GGTA1: variants seen among roughly 807,000 people sequenced by gnomAD.
The protein encoded by GGTA1 is inactive N-acetyllactosaminide alpha-1,3-galactosyltransferase.
A neutral mutation model predicts 2.6 loss-of-function variants in GGTA1; 5 were observed. That is an observed-to-expected ratio of 1.92 (90% CI 1.00 to 4.04). The LOEUF (loss-of-function observed/expected upper bound fraction) is 4.04, where lower values mean the gene tolerates loss of function less well. Among genes scored for constraint, GGTA1 ranks in the 30% most tolerant of loss-of-function variants. The pLI, the probability that GGTA1 is intolerant of heterozygous loss-of-function variation, is 0.00. For missense variants in GGTA1, 50 were observed against 16.7 expected (o/e 2.99, Z -3.47); for synonymous variants, 17 against 5.0 (o/e 3.38, Z -3.19).
Position 121,460,794 on chromosome 9 carries a change from G to A in GGTA1, c.182+458C>T, listed in dbSNP as rs564889916. ...AAGGAGGTGGAGGTTGTAGTGAGCC[G>A]AGACCACGCCACTGCACTCCAGCCT... On this transcript the variant is annotated intron_variant, in intron 4 of 5. Coordinates refer to ENST00000481799, the MANE Select transcript of GGTA1 (RefSeq NM_001382585.1). Among the ~76,000 whole-genome samples the A allele has an allele frequency of 3.4e-4, 52 of 152,018 alleles. 1 individual carries two copies. In the South Asian group the frequency reaches 0.01, roughly 30 times the overall value.
intron 1 of GGTA1, among the ~76,000 whole-genome samples, chr9:121,482,459 C>A (rs1828673208): frequency 6.6e-6 from 1 of 151,284 alleles, no homozygotes; most frequent in Non-Finnish European, 1.5e-5. Context: ...AGAATGAGAC[C>A]CTGTCTCAAA....
downstream of GGTA1, among the ~76,000 whole-genome samples, chr9:121,452,528 A>AT (rs1027236891): frequency 2.7e-4 from 40 of 148,456 alleles, 2 homozygotes; most frequent in South Asian, 1.7e-3. Flanking sequence ...TTTATTTTTT[A>AT]TTTTTTTTTA....
chr9:121,472,728 G>T (rs1187760041), intron 1 of GGTA1, among the ~76,000 whole-genome samples: 1 of 152,198 alleles, frequency 6.6e-6, no homozygotes, highest in African/African-American at 2.4e-5. Context: ...GCAACAGAGA[G>T]GCTGGCTGTG....
chr9:121,488,992 C>T (rs1188301892), intron 1 of GGTA1, among the ~76,000 whole-genome samples: 2 of 152,160 alleles, frequency 1.3e-5, no homozygotes, highest in African/African-American at 4.8e-5. Context: ...CCTCTTTGTG[C>T]TGACCTCTTT....
At chr9:121,473,367 G>T (rs1828435952) in intron 1 of GGTA1, among the ~76,000 whole-genome samples, 1 of 150,358 alleles carries the variant, frequency 6.7e-6, no homozygotes, top group Admixed American at 6.6e-5. Context: ...GTCCGAACGA[G>T]CCAATTTTGC....
chr9:121,495,297 G>A (rs1046782764), intron 1 of GGTA1, among the ~76,000 whole-genome samples: 9 of 151,962 alleles, frequency 5.9e-5, no homozygotes, highest in African/African-American at 9.7e-5. Flanking sequence ...TGTAAACCCA[G>A]CACTTTGGGA....
intron 5 of GGTA1, among the ~76,000 whole-genome samples, chr9:121,458,364 A>G (rs886532869): frequency 4.6e-5 from 7 of 151,116 alleles, no homozygotes; most frequent in Non-Finnish European, 7.4e-5. Context: ...GCAGTGGCTC[A>G]TGCCTGTAAT....
chr9:121,496,758 A>AT (rs1829003538), intron 1 of GGTA1, among the ~76,000 whole-genome samples: 1 of 96,772 alleles, frequency 1.0e-5, no homozygotes, highest in Non-Finnish European at 2.6e-5. Flanking sequence ...AAAAAAAAAA[A>AT]GAGAGAGAGA....
At chr9:121,479,054 A>T (rs1023296710) in intron 1 of GGTA1, 2 of 456,414 alleles carry the variant, frequency 4.4e-6, no homozygotes, top group Admixed American at 4.7e-5. Flanking sequence ...AGCAAAATAA[A>T]GCTGAACTTA....
At chr9:121,475,108 C>G (rs1339296711) in intron 1 of GGTA1, among the ~76,000 whole-genome samples, 1 of 152,120 alleles carries the variant, frequency 6.6e-6, no homozygotes, top group Non-Finnish European at 1.5e-5. Flanking sequence ...AAACCGGAAA[C>G]CAGCACAAGA....
In GGTA1 at chr9:121,477,573, C is replaced by CTTTTT. The variant is rs34446366; in HGVS notation, c.-9-9647_-9-9643dup. On this transcript the variant is annotated intron_variant, in intron 1 of 5. Coordinates refer to ENST00000481799, the MANE Select transcript of GGTA1 (RefSeq NM_001382585.1). ...ACCTAACATTGCATTTGCAACCTTG[C>CTTTTT]TTTTTTTTTTTTTTTTTTTTGAGAC... 9.1e-4 allele frequency among the ~76,000 whole-genome samples: 92 copies of CTTTTT among 101,474 alleles called. 2 individuals carry two copies. The highest frequency in any genetic ancestry group is 1.1e-3 in the Non-Finnish European group (64 of 57,740). 66.6% of individuals were successfully genotyped at this position (101,474 alleles called of 152,430 possible). A position where few individuals can be genotyped will look rare whatever the true frequency, so the allele number is the denominator to read the frequency against.
intron 1 of GGTA1, among the ~76,000 whole-genome samples, chr9:121,490,385 TCC>T (rs1042269531): frequency 3.3e-5 from 5 of 152,266 alleles, no homozygotes; most frequent in African/African-American, 1.2e-4. Flanking sequence ...ATCTGAAACC[TCC>T]CCAGAAGGCT....
chr9:121,450,932 G>T (rs1457400218), downstream of GGTA1, among the ~76,000 whole-genome samples: 1 of 152,150 alleles, frequency 6.6e-6, no homozygotes, highest in Non-Finnish European at 1.5e-5. Context: ...AGAACTATCA[G>T]ATCTTTACAG....
chr9:121,496,991 G>A (rs1413303733), intron 1 of GGTA1, among the ~76,000 whole-genome samples: 3 of 152,010 alleles, frequency 2.0e-5, no homozygotes, highest in Admixed American at 6.6e-5. Flanking sequence ...TCAGGAGTTC[G>A]AGACCAGCCT....
At chr9:121,457,575 C>T (rs1408195693) in intron 5 of GGTA1, among the ~76,000 whole-genome samples, 1 of 151,652 alleles carries the variant, frequency 6.6e-6, no homozygotes, top group Non-Finnish European at 1.5e-5. Context: ...GTGGCGGGCG[C>T]CTGTAGTCCC....
At position 121,494,983 on chromosome 9, in the gene GGTA1, G is replaced by T. The variant is rs111491191; in HGVS notation, c.-10+4667C>A. On this transcript the variant is annotated intron_variant, in intron 1 of 5. Coordinates refer to ENST00000481799, the MANE Select transcript of GGTA1 (RefSeq NM_001382585.1). ...TCTGTCACTCAGGCTGGAGTGCAGTGGTGCCATCTCAGCTCACTGCAATCT... is the reference window on the plus strand; with the variant it reads ...TCTGTCACTCAGGCTGGAGTGCAGTTGTGCCATCTCAGCTCACTGCAATCT... Among the ~76,000 whole-genome samples, 835 of 142,828 alleles carry T rather than the reference G, an allele frequency of 5.8e-3. 8 individuals carry two copies. The highest frequency in any genetic ancestry group is 0.02 in the African/African-American group (775 of 38,934). 93.7% of individuals were successfully genotyped at this position (142,828 alleles called of 152,430 possible).
At chr9:121,453,883 A>T (rs2064891726), downstream of GGTA1, among the ~76,000 whole-genome samples, 1 of 152,150 alleles carries the variant, frequency 6.6e-6, no homozygotes, top group African/African-American at 2.4e-5. Context: ...AAGGGGCCTC[A>T]GTAGACTCTC....
At chr9:121,473,841 T>A (rs767914058) in intron 1 of GGTA1, among the ~76,000 whole-genome samples, 2 of 150,432 alleles carry the variant, frequency 1.3e-5, no homozygotes, top group Non-Finnish European at 3.0e-5. Context: ...CACTAGAGCT[T>A]GGGAAGGTCC....
intron 7 of GGTA1, among the ~76,000 whole-genome samples, chr9:121,447,937 T>C (rs1399748672): frequency 1.3e-5 from 2 of 152,178 alleles, no homozygotes; most frequent in African/African-American, 2.4e-5. Context: ...CCTCTGGCTC[T>C]TAGGAGCCAG....
Sources: allele counts gnomAD v4.1 joint callset (sites outside exome capture counted in the v4.1 genomes callset), GRCh38; gene constraint gnomAD v4.1.1; transcripts MANE v1.5; gene names NCBI Gene and HGNC (gene_info 2026-07-23, HGNC 2026-07-21).